Variants in CELF2 observed in about 807,000 individuals in gnomAD.
CELF2 encodes CUGBP Elav-like family member 2.
In CELF2, 8 loss-of-function variants were observed where a neutral mutation model predicts 62.6. The ratio of observed to expected loss-of-function variants is 0.13; its 90% CI spans 0.07 to 0.23. CELF2 has a LOEUF of 0.23. Among genes scored for constraint, CELF2 ranks in the 10% least tolerant of loss-of-function variants. CELF2 has a pLI of 1.00. For missense variants in CELF2, 333 were observed against 671.0 expected (o/e 0.50, Z 5.56); for synonymous variants, 258 against 250.0 (o/e 1.03, Z -0.30).
At chr10:11,021,996 A>G (rs2058392973) in intron 1 of CELF2, among the ~76,000 whole-genome samples, 1 of 152,208 alleles carries the variant, frequency 6.6e-6, no homozygotes, top group African/African-American at 2.4e-5. Context: ...TTTTTGGTTT[A>G]CAAGGTTCCA....
rs1591763057 is a variant in CELF2 at position 11,334,441 on chromosome 10, C to T, written c.*5388C>T. The T allele has an allele frequency of 1.3e-5, 2 of 152,756 alleles. No individual in the cohort carries two copies. The highest frequency in any genetic ancestry group is 3.9e-4 in the East Asian group (2 of 5,192). The allele number at this position is 152,756 out of a possible 1,614,324, so 9.5% of individuals were successfully genotyped here. On this transcript the variant is annotated 3_prime_UTR_variant, in exon 13 of 13. Coordinates refer to ENST00000633077, the MANE Select transcript of CELF2 (RefSeq NM_001326342.2). ...CTGCACACCTCACTGTTTCACGTAT[C>T]TGTTTTTTTCTCTATGTTGTGTAAA...
chr10:11,176,912 G>T (rs2071391991), intron 2 of CELF2, among the ~76,000 whole-genome samples: 1 of 152,126 alleles, frequency 6.6e-6, no homozygotes, highest in South Asian at 2.1e-4. Flanking sequence ...GGTGTTCTGT[G>T]GCCAGTGGAG....
In CELF2 at chr10:11,158,601, C is replaced by G. The variant is rs79503086; in HGVS notation, c.75-6885C>G. Among the ~76,000 whole-genome samples the G allele has an allele frequency of 6.4e-3, 974 of 152,188 alleles. 24 individuals carry two copies. Among genetic ancestry groups the G allele is most frequent in the East Asian group, 0.049 (255 of 5,172 alleles). On this transcript the variant is annotated intron_variant, in intron 1 of 12. Transcript: ENST00000633077. ...ATTGTCTGTTCAGCCATCAGGTACC[C>G]CCTAGATGTCTCCAAATTTACTTCT... is the stretch of plus-strand genomic sequence containing the variant.
chr10:10,664,187 A>C, the CELF2 span, among the ~76,000 whole-genome samples: 1 of 152,202 alleles, frequency 6.6e-6, no homozygotes, highest in African/African-American at 2.4e-5. Context: ...AACTAAAAAT[A>C]ATAGGCATAT....
chr10:11,159,431 C>G lies in CELF2; in HGVS notation c.75-6055C>G, dbSNP rs960225030. Reference sequence around the variant, plus strand: ...AGCAGTGCATTTTAAAAGGGAGTTGCAATTCCCAGAGCTCTGGGTTGGATG... The same window carrying G: ...AGCAGTGCATTTTAAAAGGGAGTTGGAATTCCCAGAGCTCTGGGTTGGATG... On this transcript the variant is annotated intron_variant, in intron 1 of 12. Coordinates refer to ENST00000633077, the MANE Select transcript of CELF2 (RefSeq NM_001326342.2). The surrounding 1 kb of genome is among the most constrained non-coding windows in gnomAD (Gnocchi z 5.0). Among the ~76,000 whole-genome samples the G allele has an allele frequency of 6.6e-6, 1 of 152,184 alleles. No individual in the cohort carries two copies. The highest frequency in any genetic ancestry group is 2.1e-4 in the South Asian group (1 of 4,820).
At chr10:10,720,024 T>G in the CELF2 span, among the ~76,000 whole-genome samples, 1 of 152,224 alleles carries the variant, frequency 6.6e-6, no homozygotes, top group Admixed American at 6.5e-5. Context: ...AATTTGGTCC[T>G]AAGTGAACAT....
the CELF2 span, among the ~76,000 whole-genome samples, chr10:10,578,443 A>G: frequency 2.0e-5 from 3 of 152,124 alleles, no homozygotes; most frequent in Non-Finnish European, 4.4e-5. Flanking sequence ...GCCCATGCCT[A>G]TGTCCTGAAT....
At chr10:11,258,276 T>G (rs2079412888) in intron 5 of CELF2, among the ~76,000 whole-genome samples, 1 of 152,154 alleles carries the variant, frequency 6.6e-6, no homozygotes, top group African/African-American at 2.4e-5. Context: ...AAGAGTATGT[T>G]AAGAGTACAG....
At chr10:10,818,994 A>T (rs899630843) in intron 1 of CELF2, among the ~76,000 whole-genome samples, 11 of 152,254 alleles carry the variant, frequency 7.2e-5, no homozygotes, top group African/African-American at 2.6e-4. Context: ...GTATCTCACC[A>T]AGTAGACTAA....
chr10:11,061,573 A>G (rs1253407699), intron 1 of CELF2, among the ~76,000 whole-genome samples: 1 of 152,280 alleles, frequency 6.6e-6, no homozygotes, highest in Non-Finnish European at 1.5e-5. Flanking sequence ...GGAAGATGCC[A>G]TCTAGAAGTT....
chr10:10,708,429 G>A, the CELF2 span, among the ~76,000 whole-genome samples: 4 of 152,152 alleles, frequency 2.6e-5, no homozygotes, highest in African/African-American at 9.7e-5. Context: ...CTTGGGACAA[G>A]GGCAATGACA....
chr10:10,761,443 TTA>T, the CELF2 span, among the ~76,000 whole-genome samples: 1 of 152,204 alleles, frequency 6.6e-6, no homozygotes, highest in Non-Finnish European at 1.5e-5. Context: ...TTGATTAATT[TTA>T]TGTGTCAACT....
chr10:10,963,371 C>T (rs1414929250), intron 2 of CELF2, among the ~76,000 whole-genome samples: 2 of 152,060 alleles, frequency 1.3e-5, no homozygotes, highest in Non-Finnish European at 2.9e-5. Flanking sequence ...TAGTTTTATT[C>T]AACCCTGAAA....
chr10:10,634,247 T>A, the CELF2 span, among the ~76,000 whole-genome samples: 66 of 152,282 alleles, frequency 4.3e-4, no homozygotes, highest in African/African-American at 1.1e-3. Flanking sequence ...TGCTTTAAAA[T>A]TGTCTTTATA....
In CELF2 at chr10:11,110,775, C is replaced by T. The variant is rs552769788; in HGVS notation, c.75-54711C>T. ...CAGTGTGCCCACGGGAGGCCTCATCCGGGGGCAGTTTCTGCTTGTCAAGGA... is the reference window on the plus strand; with the variant it reads ...CAGTGTGCCCACGGGAGGCCTCATCTGGGGGCAGTTTCTGCTTGTCAAGGA... On this transcript the variant is annotated intron_variant, in intron 1 of 12. Transcript: ENST00000633077. This position sits in a 1 kb window ranked among gnomAD's most constrained non-coding sequence, Gnocchi z 4.0. Among the ~76,000 whole-genome samples, 19 of 152,184 alleles carry T rather than the reference C, an allele frequency of 1.2e-4. No individual in the cohort carries two copies. Among genetic ancestry groups the T allele is most frequent in the African/African-American group, 2.6e-4 (11 of 41,520 alleles).
the CELF2 span, among the ~76,000 whole-genome samples, chr10:10,590,165 A>G: frequency 3.9e-5 from 6 of 152,306 alleles, no homozygotes; most frequent in Admixed American, 2.6e-4. Context: ...GTGCATGCAC[A>G]CACACACACA....
At chr10:11,089,017 G>C (rs1291814) in intron 1 of CELF2, among the ~76,000 whole-genome samples, 2,053 of 152,282 alleles carry the variant, frequency 0.013, 51 homozygotes, top group African/African-American at 0.047. Context: ...GCTTCTGTAG[G>C]GGGGAGCCTT....
At chr10:10,812,720 T>A (rs2056048296) in intron 1 of CELF2, among the ~76,000 whole-genome samples, 1 of 152,196 alleles carries the variant, frequency 6.6e-6, no homozygotes, top group Admixed American at 6.5e-5. Context: ...CTTCTGAATG[T>A]TCATAACACT....
At chr10:10,759,602 T>C in the CELF2 span, among the ~76,000 whole-genome samples, 84,449 of 151,834 alleles carry the variant, frequency 0.56, 24,114 homozygotes, top group African/African-American at 0.68. Context: ...AACTACCACG[T>C]CTGACCTAGT....
Sources: gnomAD v4.1 joint callset for allele counts (sites outside exome capture counted in the v4.1 genomes callset) on GRCh38, gnomAD v4.1.1 for gene constraint, Gnocchi (gnomAD v3.1) non-coding constraint, MANE v1.5 for transcripts, NCBI Gene and HGNC (gene_info 2026-07-23, HGNC 2026-07-21) for gene names.